Variants in SDK1 observed in about 807,000 individuals in gnomAD.
SDK1 encodes protein sidekick-1.
A neutral mutation model predicts 245.5 loss-of-function variants in SDK1; 157 were observed. The observed-to-expected ratio is 0.64, with a 90% confidence interval of 0.56 to 0.73. SDK1 has a LOEUF of 0.73. Ranked by LOEUF, SDK1 falls within the 30% of genes least tolerant of loss-of-function variation. The pLI, the probability that SDK1 is intolerant of heterozygous loss-of-function variation, is 0.00. For synonymous variants in SDK1, 1,647 were observed against 1,278.5 expected (o/e 1.29, Z -6.15); for missense variants, 3,583 against 3,002.3 (o/e 1.19, Z -4.52).
rs150968737 is a variant in SDK1 at position 3,974,477 on chromosome 7, C to A, written c.1926C>A (p.Ile642=). 6.2e-7 allele frequency: 1 copy of A among 1,614,132 alleles called. No individual in the cohort carries two copies. The highest frequency in any genetic ancestry group is 1.3e-5 in the African/African-American group (1 of 75,038). The change falls in exon 13 of 45, where the codon ATC becomes ATA. Residue 642 remains isoleucine (I), a synonymous_variant. Coordinates refer to ENST00000404826, the MANE Select transcript of SDK1 (RefSeq NM_152744.4). ...LLISQTWSGD[I]GDYSCEIVSE... is the part of the protein sequence containing the mutation. Reference sequence around the variant, plus strand: ...TCAGCCAGACGTGGTCAGGCGACATCGGTGACTACAGCTGCGAGATTGTTT... The same window carrying A: ...TCAGCCAGACGTGGTCAGGCGACATAGGTGACTACAGCTGCGAGATTGTTT...
chr7:4,230,085 G>GGAAGGA, intron 40 of SDK1, among the ~76,000 whole-genome samples: 1 of 81,414 alleles, frequency 1.2e-5, no homozygotes, highest in Non-Finnish European at 2.7e-5. Flanking sequence ...GGAAGGAAGG[G>GGAAGGA]TGGGCAGGCA....
chr7:4,074,258 G>A (rs1780473785), intron 20 of SDK1, among the ~76,000 whole-genome samples: 2 of 152,160 alleles, frequency 1.3e-5, no homozygotes, highest in South Asian at 2.1e-4. Flanking sequence ...TGAGAAGCAG[G>A]CATTTGCGAT....
intron 1 of SDK1, among the ~76,000 whole-genome samples, chr7:3,481,376 A>G (rs1393837761): frequency 6.6e-6 from 1 of 152,160 alleles, no homozygotes; most frequent in Non-Finnish European, 1.5e-5. Flanking sequence ...ATTGAGTGTG[A>G]TAGATTTAAA....
chr7:4,233,587 G>C (rs570883080), intron 41 of SDK1, among the ~76,000 whole-genome samples, 168 bp downstream of exon 41: 6 of 151,868 alleles, frequency 4.0e-5, no homozygotes, highest in Admixed American at 2.6e-4. Flanking sequence ...GGGAGAAATG[G>C]GGTCGAGGGG....
intron 26 of SDK1, 71 bp from the exon 27 acceptor site, chr7:4,129,837 C>T: frequency 6.3e-7 from 1 of 1,596,078 alleles, no homozygotes; most frequent in Non-Finnish European, 8.5e-7. Context: ...CGAAGGGGGC[C>T]TGCCCCATGC....
rs116056802 is a variant in SDK1 at position 3,458,489 on chromosome 7, C to T, written c.298+156605C>T. Among the ~76,000 whole-genome samples, 828 of 152,000 alleles carry T rather than the reference C, an allele frequency of 5.4e-3. 6 individuals carry two copies. Among genetic ancestry groups the T allele is most frequent in the African/African-American group, 0.019 (789 of 41,470 alleles). On this transcript the variant is annotated intron_variant, in intron 1 of 44. Coordinates refer to ENST00000404826, the MANE Select transcript of SDK1 (RefSeq NM_152744.4). The stretch of plus-strand genomic sequence containing the variant: ...AAATTTGTTTCCCTCTTTTATTGCT[C>T]AGTTCTTTTTCAGGCCATCTACCCC...
intron 4 of SDK1, among the ~76,000 whole-genome samples, chr7:3,811,310 C>A (rs184981861): frequency 2.0e-5 from 3 of 152,140 alleles, no homozygotes; most frequent in Admixed American, 2.0e-4. Context: ...GTTGCCTGAT[C>A]GCGTTAAGGG....
At chr7:3,635,059 A>T (rs1782413061) in intron 2 of SDK1, among the ~76,000 whole-genome samples, 2 of 152,226 alleles carry the variant, frequency 1.3e-5, no homozygotes, top group Admixed American at 1.3e-4. Context: ...ACTTTGTTTT[A>T]AGCTAATCTC....
At chr7:3,456,907 G>A (rs1416546263) in intron 1 of SDK1, among the ~76,000 whole-genome samples, 1 of 152,166 alleles carries the variant, frequency 6.6e-6, no homozygotes, top group Admixed American at 6.5e-5. Flanking sequence ...TGGTTCCAAT[G>A]AGACCTCAAT....
chr7:3,690,061 T>G (rs1022602265), intron 4 of SDK1, among the ~76,000 whole-genome samples: 1 of 152,240 alleles, frequency 6.6e-6, no homozygotes. Context: ...GAATAATGCC[T>G]TAGAGAAGCA....
intron 22 of SDK1, among the ~76,000 whole-genome samples, chr7:4,095,293 C>A (rs1387314452): frequency 3.4e-5 from 5 of 148,834 alleles, no homozygotes; most frequent in Non-Finnish European, 5.9e-5. Flanking sequence ...TTCCTCAGCT[C>A]CCCCACATCT....
At chr7:3,977,377 G>GGGGGCCCTCCAGAGAATC (rs1783027556) in intron 13 of SDK1, among the ~76,000 whole-genome samples, 3 of 123,398 alleles carry the variant, frequency 2.4e-5, no homozygotes, top group African/African-American at 2.7e-5. Context: ...CTGCCACACA[G>GGGGGCCCTCCAGAGAATC]ACGGTCCTCC....
chr7:3,989,050 TG>T (rs1784090120), intron 14 of SDK1, among the ~76,000 whole-genome samples: 6 of 152,218 alleles, frequency 3.9e-5, no homozygotes, highest in Admixed American at 3.9e-4. Context: ...CCACCGCGCC[TG>T]GCGTCCAGTT....
chr7:3,973,263 G>T (rs1782633964), intron 12 of SDK1, among the ~76,000 whole-genome samples: 1 of 152,152 alleles, frequency 6.6e-6, no homozygotes, highest in Non-Finnish European at 1.5e-5. Context: ...TCTATCTCAG[G>T]GTAATTGCTG....
chr7:4,249,428 G>A (rs1012507442), intron 44 of SDK1, among the ~76,000 whole-genome samples: 1 of 152,202 alleles, frequency 6.6e-6, no homozygotes, highest in Admixed American at 6.5e-5. Context: ...GGAGGAAAGC[G>A]TTCCTGCAAA....
In SDK1 at chr7:4,148,750, C is replaced by T. The variant is rs59891569; in HGVS notation, c.4424-512C>T. On this transcript the variant is annotated intron_variant, in intron 29 of 44. Transcript: ENST00000404826. ...TGTTGGTCTCTATGAGTAGTGCATCCGAAGTCAGCCTTAAGATAGCTGCTC... is the reference window on the plus strand; with the variant it reads ...TGTTGGTCTCTATGAGTAGTGCATCTGAAGTCAGCCTTAAGATAGCTGCTC... Among the ~76,000 whole-genome samples the T allele has an allele frequency of 6.1e-3, 931 of 152,248 alleles. 9 individuals carry two copies. Among genetic ancestry groups the T allele is most frequent in the African/African-American group, 0.018 (759 of 41,542 alleles).
Position 4,175,823 on chromosome 7 carries a change from G to A in SDK1, c.4985G>A (p.Cys1662Tyr), listed in dbSNP as rs763760988. Residue 1662 changes from cysteine (C) to tyrosine (Y), a missense_variant, in exon 34 of 45, where the codon TGT (cysteine) becomes TAT (tyrosine). Physicochemically the swap from Cys to Tyr is radical, Grantham distance 194. Coordinates refer to ENST00000404826, the MANE Select transcript of SDK1 (RefSeq NM_152744.4). ...TVNSSSTSTMCELTHLKKYRR... is the reference protein window; with the variant it reads ...TVNSSSTSTMYELTHLKKYRR... ...AACAGCAGCTCCACATCGACGATGT[G>A]TGAACTAACACGTAAGTGCGCTCTC... The A allele has an allele frequency of 3.1e-6, 5 of 1,613,560 alleles. No homozygotes were observed. The highest frequency in any genetic ancestry group is 2.2e-5 in the East Asian group (1 of 44,876).
intron 1 of SDK1, among the ~76,000 whole-genome samples, chr7:3,424,561 G>C (rs936096204): frequency 2.0e-5 from 3 of 152,114 alleles, no homozygotes; most frequent in African/African-American, 7.2e-5. Flanking sequence ...GTTTTCTGCT[G>C]ATAGTCTGGT....
intron 29 of SDK1, among the ~76,000 whole-genome samples, chr7:4,146,669 C>T (rs576410581): frequency 1.4e-4 from 21 of 152,366 alleles, no homozygotes; most frequent in African/African-American, 4.8e-4. Flanking sequence ...GTTAAACCCA[C>T]GTCCTCCGTA....
Sources: gnomAD v4.1 joint callset for allele counts (sites outside exome capture counted in the v4.1 genomes callset) on GRCh38, gnomAD v4.1.1 for gene constraint, MANE v1.5 for transcripts, NCBI Gene and HGNC (gene_info 2026-07-23, HGNC 2026-07-21) for gene names.